The following ADAMTS3 variants were observed in gnomAD, a reference collection of about 807,000 sequenced individuals.
ADAMTS3 encodes the protein ADAM metallopeptidase with thrombospondin type 1 motif 3.
ADAMTS3 carries 73 observed loss-of-function variants against 129.0 expected under a neutral mutation model. The ratio of observed to expected loss-of-function variants is 0.57; its 90% CI spans 0.47 to 0.69. ADAMTS3 has a LOEUF of 0.69. ADAMTS3 is among the 30% of genes least tolerant of loss of function. The pLI is 0.00. For synonymous variants in ADAMTS3, 477 were observed against 510.8 expected (o/e 0.93, Z 0.89); for missense variants, 1,457 against 1,514.5 (o/e 0.96, Z 0.63).
chr4:72,396,236 GA>G, intron 4 of ADAMTS3, among the ~76,000 whole-genome samples: 1 of 152,290 alleles, frequency 6.6e-6, no homozygotes, highest in South Asian at 2.1e-4. Flanking sequence ...GGACCTTAAA[GA>G]GAGGTAAGGT....
chr4:72,554,783 C>T (rs889597922), intron 2 of ADAMTS3, among the ~76,000 whole-genome samples: 3 of 151,768 alleles, frequency 2.0e-5, no homozygotes, highest in Non-Finnish European at 4.4e-5. Flanking sequence ...AAGTATTATA[C>T]AAATTATACC....
intron 4 of ADAMTS3, among the ~76,000 whole-genome samples, chr4:72,357,090 C>A (rs1327590051): frequency 6.6e-6 from 1 of 151,678 alleles, no homozygotes. Flanking sequence ...ATTAAACATA[C>A]CCACTACAAT....
intron 10 of ADAMTS3, among the ~76,000 whole-genome samples, chr4:72,316,253 TAGAC>T: frequency 6.6e-6 from 1 of 152,360 alleles, no homozygotes; most frequent in East Asian, 1.9e-4. Flanking sequence ...GTTTTTCAAA[TAGAC>T]AATGTTGAAA....
chr4:72,529,792 TTAATA>T (rs979822893), intron 3 of ADAMTS3, among the ~76,000 whole-genome samples: 8 of 97,046 alleles, frequency 8.2e-5, no homozygotes, highest in Admixed American at 3.6e-4. Flanking sequence ...ATGATATAAT[TTAATA>T]TAATATATAT....
Position 72,288,760 on chromosome 4 carries a change from G to A in ADAMTS3, c.3040C>T (p.Pro1014Ser). The stretch of plus-strand genomic sequence containing the variant: ...TTGGTGTGACACCTACCATTACAAG[G>A]AGGCAGTTGACAGGCTCTGACCGAC... ...PESVRACQLP[P>S]CNDEPCLGDK... Residue 1014 changes from proline to serine, a missense_variant, in exon 21 of 22, where the codon CCT becomes TCT. Physicochemically the swap from Pro to Ser is moderately conservative, Grantham distance 74. Transcript: ENST00000286657. 1.2e-6 allele frequency: 2 copies of A among 1,610,128 alleles called. No individual in the cohort carries two copies. Among genetic ancestry groups the A allele is most frequent in the Non-Finnish European group, 1.7e-6 (2 of 1,176,476 alleles).
intron 17 of ADAMTS3, among the ~76,000 whole-genome samples, chr4:72,301,688 C>T (rs1428710181): frequency 6.6e-6 from 1 of 151,554 alleles, no homozygotes; most frequent in Non-Finnish European, 1.5e-5. Context: ...AGCTATAAAA[C>T]TGGGCAAAAT....
At chr4:72,299,024 T>C (rs1718883875) in intron 17 of ADAMTS3, among the ~76,000 whole-genome samples, 1 of 151,104 alleles carries the variant, frequency 6.6e-6, no homozygotes, top group South Asian at 2.1e-4. Flanking sequence ...ACTTTTATTA[T>C]TGTGATAGTC....
At chr4:72,533,678 T>TATATACATATATATGTATAG (rs1721111669) in intron 3 of ADAMTS3, among the ~76,000 whole-genome samples, 1 of 138,654 alleles carries the variant, frequency 7.2e-6, no homozygotes, top group Non-Finnish European at 1.6e-5. Context: ...TGCACATATA[T>TATATACATATATATGTATAG]GCACACATGT....
intron 2 of ADAMTS3, among the ~76,000 whole-genome samples, chr4:72,559,141 T>G (rs1187267188): frequency 1.3e-5 from 2 of 151,690 alleles, no homozygotes; most frequent in Non-Finnish European, 2.9e-5. Context: ...AGAGTATCAT[T>G]TGAACTCTAG....
At chr4:72,354,733 A>G (rs555394414) in intron 4 of ADAMTS3, among the ~76,000 whole-genome samples, 1 of 152,136 alleles carries the variant, frequency 6.6e-6, no homozygotes, top group Non-Finnish European at 1.5e-5. Flanking sequence ...GTCTTCTTGT[A>G]TAACATTTCC....
chr4:72,426,348 A>G (rs1163897911), intron 3 of ADAMTS3, among the ~76,000 whole-genome samples: 2 of 151,990 alleles, frequency 1.3e-5, no homozygotes, highest in East Asian at 3.9e-4. Context: ...ATTAGATCCC[A>G]TTTGTCAATT....
intron 4 of ADAMTS3, among the ~76,000 whole-genome samples, chr4:72,399,478 G>C (rs1490987487): frequency 6.6e-6 from 1 of 152,096 alleles, no homozygotes; most frequent in African/African-American, 2.4e-5. Flanking sequence ...TAACATTTCT[G>C]AGTATCAGAG....
At chr4:72,351,022 T>G (rs775965066) in intron 4 of ADAMTS3, among the ~76,000 whole-genome samples, 1 of 151,988 alleles carries the variant, frequency 6.6e-6, no homozygotes, top group Non-Finnish European at 1.5e-5. Flanking sequence ...AGGCTCCACC[T>G]GGGTTCCCCT....
At chr4:72,377,119 C>T (rs1421297618) in intron 4 of ADAMTS3, among the ~76,000 whole-genome samples, 1 of 152,154 alleles carries the variant, frequency 6.6e-6, no homozygotes, top group Non-Finnish European at 1.5e-5. Context: ...GAGTACTGCA[C>T]ACCCACAAAG....
intron 17 of ADAMTS3, among the ~76,000 whole-genome samples, chr4:72,302,899 G>A (rs549910761): frequency 6.6e-6 from 1 of 152,114 alleles, no homozygotes; most frequent in Non-Finnish European, 1.5e-5. Context: ...TGGCCCCTAG[G>A]TTCTTTCTTC....
At chr4:72,533,773 T>G (rs1011081951) in intron 3 of ADAMTS3, among the ~76,000 whole-genome samples, 3 of 141,064 alleles carry the variant, frequency 2.1e-5, no homozygotes, top group Admixed American at 7.2e-5. Flanking sequence ...TAATAGCAGT[T>G]AGGTCCTCTG....
intron 4 of ADAMTS3, among the ~76,000 whole-genome samples, chr4:72,392,456 T>C (rs1386185331): frequency 6.6e-6 from 1 of 152,210 alleles, no homozygotes; most frequent in African/African-American, 2.4e-5. Flanking sequence ...GTAGTGGGAA[T>C]ATTATATGCA....
At chr4:72,340,658 A>G (rs1175553627) in intron 4 of ADAMTS3, among the ~76,000 whole-genome samples, 1 of 152,126 alleles carries the variant, frequency 6.6e-6, no homozygotes, top group Admixed American at 6.6e-5. Flanking sequence ...ACACACATAC[A>G]CACACATATA....
rs759990453 is a variant in ADAMTS3, at chr4:72,288,782, C to T, written c.3018G>A (p.Ser1006=). Residue 1006 remains serine (S), a synonymous_variant, in exon 21 of 22, where the codon TCG becomes TCA. Transcript: ENST00000286657. ...GDHCDGEKPE[S]VRACQLPPCN... Reference sequence around the variant, plus strand: ...AAGGAGGCAGTTGACAGGCTCTGACCGACTCAGGCTTTTCACCATCACAGT... The same window carrying T: ...AAGGAGGCAGTTGACAGGCTCTGACTGACTCAGGCTTTTCACCATCACAGT... The T allele has an allele frequency of 1.1e-5, 18 of 1,613,636 alleles. No homozygotes were observed. The highest frequency in any genetic ancestry group is 9.3e-5 in the African/African-American group (7 of 74,886).
Sources: allele counts gnomAD v4.1 joint callset (sites outside exome capture counted in the v4.1 genomes callset), GRCh38; gene constraint gnomAD v4.1.1; transcripts MANE v1.5; gene names NCBI Gene and HGNC (gene_info 2026-07-23, HGNC 2026-07-21).